The following MSI2 variants were observed in gnomAD, a reference collection of about 807,000 sequenced individuals.
The protein encoded by MSI2 is musashi RNA binding protein 2.
In MSI2, 17 loss-of-function variants were observed where a neutral mutation model predicts 45.6. The observed-to-expected ratio is 0.37, with a 90% CI of 0.26 to 0.56. The LOEUF is 0.56. MSI2 is among the 20% of genes least tolerant of loss of function. The probability of loss-of-function intolerance (pLI) is 0.77; values close to 1 mark genes in which losing one functional copy is unlikely to be tolerated. For synonymous variants in MSI2, 156 were observed against 158.2 expected (o/e 0.99, Z 0.11); for missense variants, 293 against 444.2 (o/e 0.66, Z 3.06).
At chr17:57,276,702 T>A (rs1327739840) in intron 5 of MSI2, among the ~76,000 whole-genome samples, 1 of 152,246 alleles carries the variant, frequency 6.6e-6, no homozygotes, top group African/African-American at 2.4e-5. Flanking sequence ...TCCTTTTTTG[T>A]AAGTAAAGGT....
chr17:57,567,731 A>G (rs1409107507), intron 7 of MSI2, among the ~76,000 whole-genome samples: 4 of 152,206 alleles, frequency 2.6e-5, no homozygotes, highest in Non-Finnish European at 4.4e-5. Context: ...GGATGGGGCC[A>G]CTGCCTCAGA....
Position 57,683,123 on chromosome 17 carries a change from G to T in MSI2, c.*3606G>T. The T allele has an allele frequency of 4.4e-6, 1 of 229,674 alleles. No individual in the cohort carries two copies. The highest frequency in any genetic ancestry group is 1.3e-3 in the Middle Eastern group (1 of 770). The allele number at this position is 229,674 out of a possible 1,614,324, so 14.2% of individuals were successfully genotyped here. On this transcript the variant is annotated 3_prime_UTR_variant, in exon 14 of 14. Coordinates refer to ENST00000284073, the MANE Select transcript of MSI2 (RefSeq NM_138962.4). This position sits in a 1 kb window ranked among gnomAD's most constrained non-coding sequence, Gnocchi z 5.2. ...TCCTTCATAACCTTCATCTTAATTT[G>T]AACTTGTAGCTTGGACTTTAAGGTA... is the stretch of plus-strand genomic sequence containing the variant.
chr17:57,688,785 GAAAT>G (rs1156978229), downstream of MSI2, among the ~76,000 whole-genome samples: 2 of 152,100 alleles, frequency 1.3e-5, no homozygotes, highest in African/African-American at 2.4e-5. Context: ...GTGGGGCTGA[GAAAT>G]AAGACAAGTG....
chr17:57,623,948 C>T (rs184162400), intron 9 of MSI2, among the ~76,000 whole-genome samples: 1 of 152,310 alleles, frequency 6.6e-6, no homozygotes, highest in East Asian at 1.9e-4. Context: ...GAGATAAGAT[C>T]CCCCGCTCTG....
At chr17:57,669,735 A>G (rs919563340) in intron 11 of MSI2, among the ~76,000 whole-genome samples, 1 of 152,178 alleles carries the variant, frequency 6.6e-6, no homozygotes, top group Non-Finnish European at 1.5e-5. Context: ...TTTCGGGACT[A>G]GGGGTTGGGA....
intron 6 of MSI2, among the ~76,000 whole-genome samples, chr17:57,420,421 C>CA (rs2084373875): frequency 1.3e-5 from 2 of 152,206 alleles, no homozygotes; most frequent in Non-Finnish European, 2.9e-5. Context: ...TCTGAGTCAG[C>CA]ATGACATGGT....
At chr17:57,493,786 C>T (rs551554375) in intron 6 of MSI2, among the ~76,000 whole-genome samples, 1 of 152,192 alleles carries the variant, frequency 6.6e-6, no homozygotes, top group African/African-American at 2.4e-5. Context: ...CCTTGCTCTT[C>T]CTCCCCTTGG....
chr17:57,481,242 C>T (rs976532685), intron 6 of MSI2, among the ~76,000 whole-genome samples: 3 of 152,248 alleles, frequency 2.0e-5, no homozygotes, highest in South Asian at 2.1e-4. Context: ...GAGTAGCAGC[C>T]GGCAAGTAAT....
At chr17:57,408,608 G>A (rs1436575772) in intron 6 of MSI2, among the ~76,000 whole-genome samples, 1 of 152,184 alleles carries the variant, frequency 6.6e-6, no homozygotes, top group Admixed American at 6.5e-5. Context: ...CGGGGGGGCG[G>A]TATGAAGTAC....
At chr17:57,632,190 C>T in intron 10 of MSI2, 10 of 1,155,310 alleles carry the variant, frequency 8.7e-6, no homozygotes, top group Non-Finnish European at 9.6e-6. Context: ...CATGACCAAA[C>T]AGGCTTGTTG....
intron 11 of MSI2, among the ~76,000 whole-genome samples, chr17:57,656,662 G>A (rs1316031337): frequency 1.3e-5 from 2 of 152,196 alleles, no homozygotes; most frequent in Non-Finnish European, 2.9e-5. Flanking sequence ...TAGGGTGAGA[G>A]TGGTGACATT....
intron 7 of MSI2, among the ~76,000 whole-genome samples, chr17:57,533,630 G>A (rs112664719): frequency 2.0e-5 from 3 of 152,316 alleles, no homozygotes; most frequent in African/African-American, 7.2e-5. Context: ...GGTTCCCTGG[G>A]AAGCAACTCT....
intron 6 of MSI2, among the ~76,000 whole-genome samples, chr17:57,447,516 T>G (rs2084921638): frequency 6.6e-6 from 1 of 151,984 alleles, no homozygotes; most frequent in South Asian, 2.1e-4. Context: ...TCCTGTCACA[T>G]GAGTACGGCC....
At chr17:57,613,127 A>C (rs1185249445) in intron 8 of MSI2, among the ~76,000 whole-genome samples, 1 of 152,192 alleles carries the variant, frequency 6.6e-6, no homozygotes. Flanking sequence ...AGTCTATTGC[A>C]TTATCTTACA....
chr17:57,567,646 AC>A (rs1250348706), intron 7 of MSI2, among the ~76,000 whole-genome samples: 2 of 152,226 alleles, frequency 1.3e-5, no homozygotes, highest in Non-Finnish European at 2.9e-5. Context: ...ACAGGGCTGT[AC>A]CCCAAAGACG....
In MSI2 at chr17:57,682,487, A is replaced by G. The variant is rs558391395; in HGVS notation, c.*2970A>G. On this transcript the variant is annotated 3_prime_UTR_variant, in exon 14 of 14. Transcript: ENST00000284073. ...TTTTAAGAATGCTCAGAAGAAATTG[A>G]TAATCTGTGTGAATATGTTTTAGAT... The G allele has an allele frequency of 1.5e-5, 3 of 202,996 alleles. No individual in the cohort carries two copies. The East Asian group carries it at 2.3e-4, about 16-fold the overall frequency. The allele number at this position is 202,996 out of a possible 1,614,324, so 12.6% of individuals were successfully genotyped here. A position where few individuals can be genotyped will look rare whatever the true frequency, so the allele number is the denominator to read the frequency against.
chr17:57,465,379 A>G (rs1288462366), intron 6 of MSI2, among the ~76,000 whole-genome samples: 1 of 152,000 alleles, frequency 6.6e-6, no homozygotes, highest in Non-Finnish European at 1.5e-5. Context: ...ACCTCTCTCA[A>G]AGGCAAAGGT....
chr17:57,298,138 G>A (rs1911143848), intron 5 of MSI2, among the ~76,000 whole-genome samples: 2 of 151,766 alleles, frequency 1.3e-5, no homozygotes, highest in South Asian at 4.2e-4. Context: ...ACTATGTCCA[G>A]ATTTATCAGA....
chr17:57,396,302 T>C (rs1312832279), intron 5 of MSI2, among the ~76,000 whole-genome samples: 1 of 152,140 alleles, frequency 6.6e-6, no homozygotes, highest in African/African-American at 2.4e-5. Context: ...CCAGTGCTGT[T>C]GGAATTAAGT....
Sources: allele counts gnomAD v4.1 joint callset (sites outside exome capture counted in the v4.1 genomes callset), GRCh38; gene constraint gnomAD v4.1.1; non-coding constraint Gnocchi (gnomAD v3.1); transcripts MANE v1.5; gene names NCBI Gene and HGNC (gene_info 2026-07-23, HGNC 2026-07-21).